THSD7A: variants seen among roughly 807,000 people sequenced by gnomAD.
THSD7A encodes the protein thrombospondin type 1 domain containing 7A.
THSD7A carries 96 observed loss-of-function variants against 231.3 expected under a neutral mutation model. The observed-to-expected ratio is 0.41, with a 90% CI of 0.35 to 0.49. THSD7A has a LOEUF of 0.49. Among genes scored for constraint, THSD7A ranks in the 20% least tolerant of loss-of-function variants. The pLI is 0.05. For synonymous variants in THSD7A, 940 were observed against 743.3 expected (o/e 1.26, Z -4.30); for missense variants, 2,290 against 2,070.2 (o/e 1.11, Z -2.06).
At chr7:11,711,823 G>C (rs531566532) in intron 1 of THSD7A, among the ~76,000 whole-genome samples, 2 of 151,286 alleles carry the variant, frequency 1.3e-5, no homozygotes, top group Non-Finnish European at 3.0e-5. Flanking sequence ...TCACAGTTGA[G>C]ATAAGGACTG....
chr7:11,432,506 A>G (rs1784507133), intron 13 of THSD7A, among the ~76,000 whole-genome samples: 1 of 152,074 alleles, frequency 6.6e-6, no homozygotes, highest in African/African-American at 2.4e-5. Context: ...AACTATCCTG[A>G]CTACTCACTG....
At position 11,554,430 on chromosome 7, in the gene THSD7A, T is replaced by C. The variant is rs149334413; in HGVS notation, c.1454-11313A>G. Among the ~76,000 whole-genome samples the C allele has an allele frequency of 2.0e-4, 31 of 152,222 alleles. No homozygotes were observed. The East Asian group carries it at 5.4e-3, about 27-fold the overall frequency. ...GCATTCAGTCTTTTACCATTAAGTA[T>C]AATGTTAGCTATAGGTTTTCCTAGG... On this transcript the variant is annotated intron_variant, in intron 4 of 27. Transcript: ENST00000423059.
At chr7:11,681,060 A>T (rs989256585) in intron 1 of THSD7A, among the ~76,000 whole-genome samples, 38 of 152,136 alleles carry the variant, frequency 2.5e-4, no homozygotes, top group Non-Finnish European at 4.6e-4. Flanking sequence ...AGGGACATGG[A>T]TGAAGCTGGA....
At chr7:11,461,922 T>A in intron 10 of THSD7A, 89 bp downstream of exon 10, 1 of 1,483,780 alleles carries the variant, frequency 6.7e-7, no homozygotes, top group South Asian at 1.3e-5. Flanking sequence ...GAAGGAACAG[T>A]GTTGACTTCC....
At chr7:11,639,124 T>A (rs1034431996) in intron 1 of THSD7A, among the ~76,000 whole-genome samples, 70 of 152,148 alleles carry the variant, frequency 4.6e-4, no homozygotes, top group African/African-American at 1.6e-3. Context: ...TGCCATTAAG[T>A]CTGAATTTGA....
At chr7:11,631,656 G>GA (rs541638101) in intron 2 of THSD7A, among the ~76,000 whole-genome samples, 12 of 149,736 alleles carry the variant, frequency 8.0e-5, no homozygotes, top group African/African-American at 1.5e-4. Context: ...GGTTACAGCA[G>GA]AAAAAAAAAC....
intron 1 of THSD7A, among the ~76,000 whole-genome samples, chr7:11,764,361 C>CACG (rs1261543290): frequency 2.6e-5 from 4 of 152,060 alleles, no homozygotes; most frequent in Admixed American, 1.3e-4. Context: ...GCGGGTGGAT[C>CACG]ACGAGGTCAG....
At chr7:11,504,299 G>T (rs1443975733) in intron 6 of THSD7A, among the ~76,000 whole-genome samples, 1 of 152,080 alleles carries the variant, frequency 6.6e-6, no homozygotes, top group Admixed American at 6.6e-5. Flanking sequence ...AGAGACACTG[G>T]CGTCCACTTG....
intron 6 of THSD7A, among the ~76,000 whole-genome samples, chr7:11,523,970 C>T (rs1050846078): frequency 2.0e-5 from 3 of 152,098 alleles, no homozygotes; most frequent in African/African-American, 4.8e-5. Context: ...AGGTTTATAA[C>T]ATATGTGATT....
At chr7:11,706,630 C>CT (rs66964252) in intron 1 of THSD7A, among the ~76,000 whole-genome samples, 1,582 of 66,308 alleles carry the variant, frequency 0.024, 92 homozygotes, top group Non-Finnish European at 0.029. Context: ...TAACAAGGTG[C>CT]TTTTTTTTTT....
chr7:11,385,597 CTT>C (rs1313154373), intron 23 of THSD7A: 2 of 150,800 alleles, frequency 1.3e-5, no homozygotes. Context: ...ATTTGGTTAT[CTT>C]TGTATTTCAA....
At position 11,772,223 on chromosome 7, in the gene THSD7A, C is replaced by A. The variant is rs114269574; in HGVS notation, c.190+59534G>T. 4.8e-3 allele frequency among the ~76,000 whole-genome samples: 732 copies of A among 151,260 alleles called. 6 individuals carry two copies. Among genetic ancestry groups the A allele is most frequent in the African/African-American group, 0.017 (685 of 41,146 alleles). On this transcript the variant is annotated intron_variant, in intron 1 of 27. Coordinates refer to ENST00000423059, the MANE Select transcript of THSD7A (RefSeq NM_015204.3). ...AAAGTTAAAACAAAAAAAAACAAAA[C>A]AAAACAGATGCTGGCAATGGGGATC...
chr7:11,784,034 TATA>T (rs1251111801), intron 1 of THSD7A, among the ~76,000 whole-genome samples: 17 of 152,038 alleles, frequency 1.1e-4, no homozygotes, highest in Admixed American at 1.1e-3. Context: ...TCCTTTTGAC[TATA>T]ATATTAGAGT....
In THSD7A at chr7:11,814,340, C is replaced by T. The variant is rs542912584; in HGVS notation, c.190+17417G>A. On this transcript the variant is annotated intron_variant, in intron 1 of 27. Transcript: ENST00000423059. This position sits in a 1 kb window ranked among gnomAD's most constrained non-coding sequence, Gnocchi z 5.1. ...TGATGGCAATCCCAAGTATTCAGCA[C>T]GTGACAAACAAAGGAGATTCATCTC... Among the ~76,000 whole-genome samples, 56 of 152,214 alleles carry T rather than the reference C, an allele frequency of 3.7e-4. No homozygotes were observed. The highest frequency in any genetic ancestry group is 1.2e-3 in the Admixed American group (18 of 15,288).
At position 11,447,246 on chromosome 7, in the gene THSD7A, T is replaced by G; in HGVS notation, c.2784A>C (p.Arg928Ser). The G allele has an allele frequency of 6.2e-7, 1 of 1,613,104 alleles. No individual in the cohort carries two copies. The highest frequency in any genetic ancestry group is 2.2e-5 in the East Asian group (1 of 44,814). ...TATTCTTACCAACAAGAGTGCGCTT[T>G]CTGGTCCTAACTGCACCACAGTCTC... is the stretch of plus-strand genomic sequence containing the variant. Reference protein sequence around the residue: ...CNGDCGAVRTRKRTLVGKSKK... With the variant: ...CNGDCGAVRTSKRTLVGKSKK... Residue 928 changes from arginine (R) to serine (S), a missense_variant, in exon 12 of 28, where the codon AGA (arginine) becomes AGC (serine). Physicochemically the swap from Arg to Ser is moderately radical, Grantham distance 110 (BLOSUM62 -1). Transcript: ENST00000423059.
At chr7:11,823,027 C>T (rs2128187596) in intron 1 of THSD7A, among the ~76,000 whole-genome samples, 1 of 152,002 alleles carries the variant, frequency 6.6e-6, no homozygotes. Flanking sequence ...ACTGATTGCT[C>T]AGACCAATGT....
chr7:11,689,152 T>C (rs539211019), intron 1 of THSD7A, among the ~76,000 whole-genome samples: 4 of 151,934 alleles, frequency 2.6e-5, no homozygotes, highest in Admixed American at 2.6e-4. Context: ...CATAAAAGTC[T>C]TAGAGTCTGA....
rs1782121028 is a variant in THSD7A at position 11,373,068 on chromosome 7, T to TG, written c.*2725dup. ...TCTCTCATATATATGGGTGTGTGTGTGTGTGTGTGTATATATATATATGCA... is the reference window on the plus strand; with the variant it reads ...TCTCTCATATATATGGGTGTGTGTGTGGTGTGTGTGTATATATATATATGCA... On this transcript the variant is annotated 3_prime_UTR_variant, in exon 28 of 28. Transcript: ENST00000423059. The TG allele has an allele frequency of 2.2e-5, 3 of 138,560 alleles. No individual in the cohort carries two copies. Among genetic ancestry groups the TG allele is most frequent in the Admixed American group, 7.3e-5 (1 of 13,748 alleles). 8.6% of individuals were successfully genotyped at this position (138,560 alleles called of 1,614,324 possible). A position where few individuals can be genotyped will look rare whatever the true frequency, so the allele number is the denominator to read the frequency against.
intron 1 of THSD7A, among the ~76,000 whole-genome samples, chr7:11,771,656 T>C (rs759479407): frequency 1.3e-5 from 2 of 151,952 alleles, no homozygotes; most frequent in African/African-American, 2.4e-5. Flanking sequence ...AAAGAAGTCA[T>C]ACATGTGGCC....
Sources: gnomAD v4.1 joint callset for allele counts (sites outside exome capture counted in the v4.1 genomes callset) on GRCh38, gnomAD v4.1.1 for gene constraint, Gnocchi (gnomAD v3.1) non-coding constraint, MANE v1.5 for transcripts, NCBI Gene and HGNC (gene_info 2026-07-23, HGNC 2026-07-21) for gene names.